EPHB6: variants seen among roughly 807,000 people sequenced by gnomAD.
EPHB6 encodes ephrin type-B receptor 6.
EPHB6 carries 51 observed loss-of-function variants against 107.0 expected under a neutral mutation model. That is an observed-to-expected ratio of 0.48 (90% confidence interval 0.38 to 0.60). EPHB6 has a LOEUF of 0.60. Ranked by LOEUF, EPHB6 falls within the 20% of genes least tolerant of loss-of-function variation. The pLI is 0.00. For synonymous variants in EPHB6, 553 were observed against 549.0 expected (o/e 1.01, Z -0.10); for missense variants, 1,141 against 1,355.5 (o/e 0.84, Z 2.48).
chr7:142,858,656 C>T (rs1377351941), intron 1 of EPHB6, among the ~76,000 whole-genome samples: 4 of 148,054 alleles, frequency 2.7e-5, no homozygotes, highest in African/African-American at 9.9e-5. Context: ...CCGTGTTAGC[C>T]AGGACGGTCT....
rs1309097041 is a variant in EPHB6, at chr7:142,870,358, A to T, written c.2755A>T (p.Met919Leu). Residue 919 changes from methionine to leucine, a missense_variant, in exon 18 of 20, where the codon ATG becomes TTG. Transcript: ENST00000652003. Reference sequence around the variant, plus strand: ...CCAGCTGGTGGCTGCATTTGACAAGATGATCCGCAAGCCAGATACCCTGCA... The same window carrying T: ...CCAGCTGGTGGCTGCATTTGACAAGTTGATCCGCAAGCCAGATACCCTGCA... Reference protein sequence around the residue: ...FDQLVAAFDKMIRKPDTLQAG... With the variant: ...FDQLVAAFDKLIRKPDTLQAG... The T allele has an allele frequency of 6.2e-7, 1 of 1,614,178 alleles. No homozygotes were observed. The highest frequency in any genetic ancestry group is 1.1e-5 in the South Asian group (1 of 91,080).
Position 142,855,975 on chromosome 7 carries a change from C to T in EPHB6, c.-432+590C>T, listed in dbSNP as rs1802590691. The stretch of plus-strand genomic sequence containing the variant: ...CCCCAGCTCCACCCTCGCTCTGCTC[C>T]CTCCATCTGGGTGCTTGGCCCTGCT... On this transcript the variant is annotated intron_variant, in intron 1 of 19. Coordinates refer to ENST00000652003, the MANE Select transcript of EPHB6 (RefSeq NM_004445.6). The surrounding 1 kb of genome is among the most constrained non-coding windows in gnomAD (Gnocchi z 4.2). 6.6e-6 allele frequency among the ~76,000 whole-genome samples: 1 copy of T among 152,194 alleles called. No homozygotes were observed. The highest frequency in any genetic ancestry group is 2.4e-5 in the African/African-American group (1 of 41,436).
At chr7:142,858,204 C>T (rs1323653868) in intron 1 of EPHB6, among the ~76,000 whole-genome samples, 14 of 152,056 alleles carry the variant, frequency 9.2e-5, no homozygotes, top group Non-Finnish European at 1.8e-4. Context: ...CACAGTAACC[C>T]ATTTTAATGG....
At chr7:142,865,405 C>A (rs1433718074) in intron 7 of EPHB6, 70 bp from the exon 8 acceptor site, 2 of 1,598,446 alleles carry the variant, frequency 1.3e-6, no homozygotes, top group Non-Finnish European at 1.7e-6. Flanking sequence ...TACCTGCCTG[C>A]TGTGTGTTGG....
At chr7:142,862,605 T>C (rs1802893782) in intron 3 of EPHB6, among the ~76,000 whole-genome samples, 151 bp from the exon 4 acceptor site, 2 of 152,138 alleles carry the variant, frequency 1.3e-5, no homozygotes, top group Admixed American at 6.5e-5. Flanking sequence ...TCCCTCCCGC[T>C]TCACTGCTTC....
In EPHB6 at chr7:142,869,717, T is replaced by C. The variant is rs1439478602; in HGVS notation, c.2461-100T>C. 29 of 1,360,666 alleles carry C rather than the reference T, an allele frequency of 2.1e-5. No individual in the cohort carries two copies. The highest frequency in any genetic ancestry group is 2.6e-5 in the Non-Finnish European group (25 of 970,274). 84.3% of individuals were successfully genotyped at this position (1,360,666 alleles called of 1,614,324 possible). A position where few individuals can be genotyped will look rare whatever the true frequency, so the allele number is the denominator to read the frequency against. On this transcript the variant is annotated intron_variant, in intron 16 of 19. Transcript: ENST00000652003. The surrounding 1 kb of genome is among the most constrained non-coding windows in gnomAD (Gnocchi z 4.5). Reference sequence around the variant, plus strand: ...TTGTTATGAGGATTAAATGAGATGCTTGATGTAAAACCCTTGGCATATCTG... The same window carrying C: ...TTGTTATGAGGATTAAATGAGATGCCTGATGTAAAACCCTTGGCATATCTG...
In EPHB6 at chr7:142,868,379, A is replaced by G. The variant is rs1462207679; in HGVS notation, c.2038+19A>G. Reference sequence around the variant, plus strand: ...GGGACAGGTACAGCAGGGCCAAAGCAGGGATCAGAGCGACGGGGCTCCCTT... The same window carrying G: ...GGGACAGGTACAGCAGGGCCAAAGCGGGGATCAGAGCGACGGGGCTCCCTT... On this transcript the variant is annotated intron_variant, in intron 14 of 19. Coordinates refer to ENST00000652003, the MANE Select transcript of EPHB6 (RefSeq NM_004445.6). The surrounding 1 kb of genome is among the most constrained non-coding windows in gnomAD (Gnocchi z 4.2). 6.2e-7 allele frequency: 1 copy of G among 1,613,850 alleles called. No individual in the cohort carries two copies. Among genetic ancestry groups the G allele is most frequent in the African/African-American group, 1.3e-5 (1 of 74,908 alleles).
chr7:142,866,296 A>G lies in EPHB6; in HGVS notation c.1442A>G (p.Asn481Ser). 6.2e-7 allele frequency: 1 copy of G among 1,613,926 alleles called. No individual in the cohort carries two copies. The highest frequency in any genetic ancestry group is 8.5e-7 in the Non-Finnish European group (1 of 1,179,982). The part of the protein sequence containing the change: ...SPDPPQAAAI[N>S]VSTSHEVPSA... ...GACCCTCCTCAGGCTGCAGCCATCA[A>G]TGTCAGCACCAGCCATGAAGGTGAG... The change falls in exon 9 of 20, where the codon AAT becomes AGT. Residue 481 changes from asparagine to serine, a missense_variant. Asn to Ser is a conservative substitution (Grantham distance 46). Around this residue, in one of 3 missense-constraint regions of EPHB6, gnomAD observed 616 missense variants for 759.3 expected, o/e 0.81. Coordinates refer to ENST00000652003, the MANE Select transcript of EPHB6 (RefSeq NM_004445.6). This position sits in a 1 kb window ranked among gnomAD's most constrained non-coding sequence, Gnocchi z 5.2.
At position 142,867,530 on chromosome 7, in the gene EPHB6, T is replaced by C; in HGVS notation, c.1751-78T>C. ...GTGCATGTTGTGTGTGCCTGTGGTGTGTGTGGGTGCCTGGGCACATGAACA... is the reference window on the plus strand; with the variant it reads ...GTGCATGTTGTGTGTGCCTGTGGTGCGTGTGGGTGCCTGGGCACATGAACA... On this transcript the variant is annotated intron_variant, in intron 11 of 19. Transcript: ENST00000652003. This position sits in a 1 kb window ranked among gnomAD's most constrained non-coding sequence, Gnocchi z 5.3. The C allele has an allele frequency of 8.3e-7, 1 of 1,201,070 alleles. No homozygotes were observed. 74.4% of individuals were successfully genotyped at this position (1,201,070 alleles called of 1,614,324 possible).
In EPHB6 at chr7:142,855,857, C is replaced by A. The variant is rs1187185870; in HGVS notation, c.-432+472C>A. Among the ~76,000 whole-genome samples, 1 of 152,162 alleles carries A rather than the reference C, an allele frequency of 6.6e-6. No individual in the cohort carries two copies. Among genetic ancestry groups the A allele is most frequent in the Non-Finnish European group, 1.5e-5 (1 of 68,020 alleles). The stretch of plus-strand genomic sequence containing the variant: ...GGCACTGTCCCCCCCAGCTCCATGA[C>A]CACAGTTAAGCCTTGGAGGTGGAAG... On this transcript the variant is annotated intron_variant, in intron 1 of 19. Coordinates refer to ENST00000652003, the MANE Select transcript of EPHB6 (RefSeq NM_004445.6). This position sits in a 1 kb window ranked among gnomAD's most constrained non-coding sequence, Gnocchi z 4.2.
In EPHB6 at chr7:142,867,578, C is replaced by T. The variant is rs1458447917; in HGVS notation, c.1751-30C>T. On this transcript the variant is annotated intron_variant, in intron 11 of 19. Coordinates refer to ENST00000652003, the MANE Select transcript of EPHB6 (RefSeq NM_004445.6). This position sits in a 1 kb window ranked among gnomAD's most constrained non-coding sequence, Gnocchi z 5.3. Reference sequence around the variant, plus strand: ...ACAAGCACCTGTGAGAGACCTGGCCCACCTGTGACCCTGTCGGCTGGTCCC... The same window carrying T: ...ACAAGCACCTGTGAGAGACCTGGCCTACCTGTGACCCTGTCGGCTGGTCCC... 1 of 1,586,828 alleles carries T rather than the reference C, an allele frequency of 6.3e-7. No homozygotes were observed. Among genetic ancestry groups the T allele is most frequent in the Admixed American group, 1.7e-5 (1 of 57,860 alleles).
In EPHB6 at chr7:142,870,279, T is replaced by C; in HGVS notation, c.2676T>C (p.His892=). 1 of 1,614,180 alleles carries C rather than the reference T, an allele frequency of 6.2e-7. No homozygotes were observed. The highest frequency in any genetic ancestry group is 8.5e-7 in the Non-Finnish European group (1 of 1,180,046). The part of the protein sequence containing the change: ...PPPPGCPPGL[H]LLMLDTWQKD... ...CTCCAGGCTGTCCTCCTGGATTACA[T>C]CTACTTATGTTGGACACTTGGCAGA... is the stretch of plus-strand genomic sequence containing the variant. The change falls in exon 18 of 20, where the codon CAT becomes CAC. Residue 892 remains histidine, a synonymous_variant. Transcript: ENST00000652003.
chr7:142,863,184 C>G lies in EPHB6; in HGVS notation c.-44C>G. 7 of 1,573,110 alleles carry G rather than the reference C, an allele frequency of 4.4e-6. No homozygotes were observed. The highest frequency in any genetic ancestry group is 6.1e-6 in the Non-Finnish European group (7 of 1,144,214). ...CAAAAGCTGCAGCCCCACCCAGGAG[C>G]AGGGTGGTGGCTGGGGCGATGGTGG... On this transcript the variant is annotated 5_prime_UTR_variant, in exon 5 of 20. Transcript: ENST00000652003.
rs546456596 is a variant in EPHB6 at position 142,869,312 on chromosome 7, C to T, written c.2460+165C>T. Among the ~76,000 whole-genome samples the T allele has an allele frequency of 3.0e-4, 46 of 152,068 alleles. No individual in the cohort carries two copies. Among genetic ancestry groups the T allele is most frequent in the African/African-American group, 9.9e-4 (41 of 41,458 alleles). On this transcript the variant is annotated intron_variant, in intron 16 of 19. Transcript: ENST00000652003. The surrounding 1 kb of genome is among the most constrained non-coding windows in gnomAD (Gnocchi z 4.5). Reference sequence around the variant, plus strand: ...TGTGATGGGGAGATGAAAGCCTAGGCGACGGGGTTTGAGGGATTTCAGGGA... The same window carrying T: ...TGTGATGGGGAGATGAAAGCCTAGGTGACGGGGTTTGAGGGATTTCAGGGA...
Position 142,869,204 on chromosome 7 carries a change from G to A in EPHB6, c.2460+57G>A. The A allele has an allele frequency of 6.3e-7, 1 of 1,590,144 alleles. No individual in the cohort carries two copies. On this transcript the variant is annotated intron_variant, in intron 16 of 19. Coordinates refer to ENST00000652003, the MANE Select transcript of EPHB6 (RefSeq NM_004445.6). The surrounding 1 kb of genome is among the most constrained non-coding windows in gnomAD (Gnocchi z 4.5). ...GGCCTTGTGGCATGCCCCAGCAGGT[G>A]CTGGGGTCGGGGGTGAGCTGGAATC... is the stretch of plus-strand genomic sequence containing the variant.
At chr7:142,857,693 G>T (rs969143636) in intron 1 of EPHB6, among the ~76,000 whole-genome samples, 1 of 152,192 alleles carries the variant, frequency 6.6e-6, no homozygotes, top group Non-Finnish European at 1.5e-5. Context: ...GTCTGGGCTC[G>T]GTTTGGGGCC....
chr7:142,868,753 G>A lies in EPHB6; in HGVS notation c.2286+14G>A. The stretch of plus-strand genomic sequence containing the variant: ...AGCTTCCTCAGGGTCAGTCCAGCCT[G>A]GGTGAAGGAGGAGGGTCCTTGGGTC... On this transcript the variant is annotated intron_variant, in intron 15 of 19. Transcript: ENST00000652003. The surrounding 1 kb of genome is among the most constrained non-coding windows in gnomAD (Gnocchi z 4.2). 1 of 1,613,800 alleles carries A rather than the reference G, an allele frequency of 6.2e-7. No individual in the cohort carries two copies. The highest frequency in any genetic ancestry group is 8.5e-7 in the Non-Finnish European group (1 of 1,180,018).
chr7:142,864,983 C>T (rs183638537), intron 7 of EPHB6, among the ~76,000 whole-genome samples: 98 of 152,328 alleles, frequency 6.4e-4, no homozygotes, highest in Middle Eastern at 3.4e-3. Context: ...ATTGCCTTCT[C>T]CTAAGTCTTC....
Position 142,867,259 on chromosome 7 carries a change from G to A in EPHB6, c.1750+191G>A. On this transcript the variant is annotated intron_variant, in intron 11 of 19. Coordinates refer to ENST00000652003, the MANE Select transcript of EPHB6 (RefSeq NM_004445.6). The surrounding 1 kb of genome is among the most constrained non-coding windows in gnomAD (Gnocchi z 5.3). ...GGGAGGTGGGGAATTGTAGGGGTATGTATGCATGTTGAGTGTGGATATAGG... is the reference window on the plus strand; with the variant it reads ...GGGAGGTGGGGAATTGTAGGGGTATATATGCATGTTGAGTGTGGATATAGG... 1 of 688,218 alleles carries A rather than the reference G, an allele frequency of 1.5e-6. No individual in the cohort carries two copies. The highest frequency in any genetic ancestry group is 2.4e-6 in the Non-Finnish European group (1 of 411,514). 42.6% of individuals were successfully genotyped at this position (688,218 alleles called of 1,614,324 possible).
Sources: gnomAD v4.1 joint callset for allele counts (sites outside exome capture counted in the v4.1 genomes callset) on GRCh38, gnomAD v4.1.1 for gene constraint, gnomAD v4.1.1 regional missense constraint, Gnocchi (gnomAD v3.1) non-coding constraint, MANE v1.5 for transcripts, NCBI Gene and HGNC (gene_info 2026-07-23, HGNC 2026-07-21) for gene names.